The following CTNNA3 variants were observed in gnomAD, a reference collection of about 807,000 sequenced individuals.
CTNNA3 encodes catenin alpha-3.
In CTNNA3, 76 loss-of-function variants were observed where a neutral mutation model predicts 95.7. The observed-to-expected ratio is 0.79, with a 90% confidence interval of 0.66 to 0.96. CTNNA3 has a LOEUF of 0.96. Ranked by LOEUF, CTNNA3 falls within the 40% of genes least tolerant of loss-of-function variation. The pLI is 0.00. For synonymous variants in CTNNA3, 431 were observed against 374.4 expected, an observed-to-expected ratio of 1.15 and a Z score of -1.74; for missense variants, 1,191 against 1,089.8, an observed-to-expected ratio of 1.09 and a Z score of -1.31.
intron 11 of CTNNA3, among the ~76,000 whole-genome samples, chr10:66,411,839 G>A (rs1261563574): frequency 6.6e-6 from 1 of 152,100 alleles, no homozygotes. Flanking sequence ...AGTTCCTCCA[G>A]GAAACACACC....
intron 13 of CTNNA3, among the ~76,000 whole-genome samples, chr10:66,241,273 T>G: frequency 6.6e-6 from 1 of 152,182 alleles, no homozygotes; most frequent in Non-Finnish European, 1.5e-5. Context: ...TGTGCTATAG[T>G]TATGCCAGAT....
rs2092978162 is a variant in CTNNA3 at position 66,396,433 on chromosome 10, T to G, written c.1532-17081A>C. Among the ~76,000 whole-genome samples, 3 of 152,170 alleles carry G rather than the reference T, an allele frequency of 2.0e-5. No individual in the cohort carries two copies. In the South Asian group the frequency reaches 6.2e-4, roughly 32 times the overall value. ...AAAGTATTGAAATAACTTAGTACAATTTTCAAGGATTAAAATGTTAAGAGA... is the reference window on the plus strand; with the variant it reads ...AAAGTATTGAAATAACTTAGTACAAGTTTCAAGGATTAAAATGTTAAGAGA... On this transcript the variant is annotated intron_variant, in intron 11 of 17. Transcript: ENST00000433211.
chr10:67,303,064 A>G (rs1840391452), intron 5 of CTNNA3, among the ~76,000 whole-genome samples: 1 of 152,208 alleles, frequency 6.6e-6, no homozygotes, highest in South Asian at 2.1e-4. Context: ...AACCATCTGT[A>G]TTGTAATAAA....
chr10:67,010,455 A>G (rs1259232795), intron 7 of CTNNA3, among the ~76,000 whole-genome samples: 5 of 152,192 alleles, frequency 3.3e-5, no homozygotes, highest in Non-Finnish European at 7.3e-5. Context: ...AATGATGCCT[A>G]ATATCTCTCC....
At chr10:67,338,458 A>T (rs1051487654) in intron 5 of CTNNA3, among the ~76,000 whole-genome samples, 1 of 152,182 alleles carries the variant, frequency 6.6e-6, no homozygotes, top group Non-Finnish European at 1.5e-5. Context: ...CAACACTGGG[A>T]ATTACATTTC....
At chr10:66,755,618 A>G (rs577964411) in intron 9 of CTNNA3, among the ~76,000 whole-genome samples, 1 of 152,258 alleles carries the variant, frequency 6.6e-6, no homozygotes, top group South Asian at 2.1e-4. Context: ...GAATTCTTAT[A>G]CATTGTTAGT....
chr10:66,008,558 C>G (rs1045817304), intron 15 of CTNNA3, among the ~76,000 whole-genome samples: 3 of 152,194 alleles, frequency 2.0e-5, no homozygotes, highest in African/African-American at 7.2e-5. Flanking sequence ...ATTTTATTCT[C>G]TGTCCAGAAT....
At chr10:67,041,363 T>C (rs930674033) in intron 7 of CTNNA3, among the ~76,000 whole-genome samples, 4 of 152,114 alleles carry the variant, frequency 2.6e-5, no homozygotes, top group African/African-American at 7.2e-5. Flanking sequence ...CTATAAATAA[T>C]AGAGGTTACT....
Position 67,528,241 on chromosome 10 carries a change from G to A in CTNNA3, c.460-6280C>T, listed in dbSNP as rs187199392. Among the ~76,000 whole-genome samples the A allele has an allele frequency of 1.6e-3, 246 of 152,248 alleles. 5 individuals carry two copies. In the South Asian group the frequency reaches 0.018, roughly 11 times the overall value. On this transcript the variant is annotated intron_variant, in intron 4 of 17. Coordinates refer to ENST00000433211, the MANE Select transcript of CTNNA3 (RefSeq NM_013266.4). ...GTGTCTTCAACTTGATGGAGTTTAT[G>A]ATGAGAAATAAAGTTTATATTTTTT...
At chr10:66,017,210 T>C (rs1237123144) in intron 15 of CTNNA3, among the ~76,000 whole-genome samples, 1 of 152,196 alleles carries the variant, frequency 6.6e-6, no homozygotes, top group Non-Finnish European at 1.5e-5. Flanking sequence ...ATTTATAATA[T>C]GCTTCTTGTA....
At chr10:66,735,648 T>C (rs539715964) in intron 9 of CTNNA3, among the ~76,000 whole-genome samples, 131 of 152,314 alleles carry the variant, frequency 8.6e-4, no homozygotes, top group Non-Finnish European at 9.3e-4. Flanking sequence ...AGTTATCAAC[T>C]CTTCTGATAC....
intron 5 of CTNNA3, among the ~76,000 whole-genome samples, chr10:67,504,504 A>G (rs1245574588): frequency 6.6e-6 from 1 of 151,868 alleles, no homozygotes; most frequent in Admixed American, 6.6e-5. Context: ...AGAAAAAAAA[A>G]TAGAGTAACA....
chr10:67,215,576 A>T (rs1864321298), intron 6 of CTNNA3, among the ~76,000 whole-genome samples: 1 of 152,168 alleles, frequency 6.6e-6, no homozygotes, highest in African/African-American at 2.4e-5. Context: ...AGATAATATG[A>T]ATGCTGACCC....
intron 13 of CTNNA3, 28 bp from the exon 14 acceptor site, chr10:66,103,277 G>C: frequency 2.0e-6 from 3 of 1,533,494 alleles, no homozygotes; most frequent in Non-Finnish European, 2.7e-6. Flanking sequence ...AACATTGCTA[G>C]TGGGAATGTA....
At chr10:67,722,443 A>G (rs561233664) in intron 1 of CTNNA3, among the ~76,000 whole-genome samples, 1 of 152,324 alleles carries the variant, frequency 6.6e-6, no homozygotes, top group South Asian at 2.1e-4. Flanking sequence ...ACAGATATCT[A>G]AAGGCAATCA....
intron 11 of CTNNA3, among the ~76,000 whole-genome samples, chr10:66,437,344 T>C (rs1006323425): frequency 6.6e-6 from 1 of 152,200 alleles, no homozygotes; most frequent in Non-Finnish European, 1.5e-5. Flanking sequence ...AAGTTTGGTC[T>C]TTTCACATAG....
chr10:67,580,039 G>A (rs932341297), intron 3 of CTNNA3, among the ~76,000 whole-genome samples: 1 of 152,110 alleles, frequency 6.6e-6, no homozygotes, highest in Admixed American at 6.5e-5. Context: ...CTTCTGCTGT[G>A]CGGAAGCTCT....
chr10:66,829,902 G>T (rs1430863545), intron 7 of CTNNA3, among the ~76,000 whole-genome samples: 1 of 139,848 alleles, frequency 7.2e-6, no homozygotes, highest in Non-Finnish European at 1.6e-5. Context: ...GTCTAGCTCT[G>T]TCCCCCAGGC....
At chr10:66,985,182 G>A (rs1850660146) in intron 7 of CTNNA3, among the ~76,000 whole-genome samples, 1 of 152,054 alleles carries the variant, frequency 6.6e-6, no homozygotes, top group Admixed American at 6.6e-5. Context: ...ATCAGTCATG[G>A]GTGAGTAAAA....
Sources: gnomAD v4.1 joint callset for allele counts (sites outside exome capture counted in the v4.1 genomes callset) on GRCh38, gnomAD v4.1.1 for gene constraint, MANE v1.5 for transcripts, NCBI Gene and HGNC (gene_info 2026-07-23, HGNC 2026-07-21) for gene names.